Variants in SNAP91 observed in about 807,000 individuals in gnomAD.
The protein encoded by SNAP91 is synaptosome associated protein 91.
Under a neutral mutation model 100.3 loss-of-function variants are expected in SNAP91, and 27 were observed. The observed-to-expected ratio is 0.27, with a 90% CI of 0.20 to 0.37. SNAP91 has a LOEUF of 0.37. Among genes scored for constraint, SNAP91 ranks in the 10% least tolerant of loss-of-function variants. SNAP91 has a pLI of 1.00. For missense variants in SNAP91, 986 were observed against 1,123.7 expected (o/e 0.88, Z 1.75); for synonymous variants, 404 against 398.6 (o/e 1.01, Z -0.16).
chr6:83,684,996 C>A (rs2099041663), intron 2 of SNAP91, among the ~76,000 whole-genome samples: 1 of 152,164 alleles, frequency 6.6e-6, no homozygotes, highest in Non-Finnish European at 1.5e-5. Flanking sequence ...AATATAGGCA[C>A]AGACCTTGTT....
chr6:83,699,984 T>C (rs1452088640), intron 2 of SNAP91, among the ~76,000 whole-genome samples: 3 of 152,128 alleles, frequency 2.0e-5, no homozygotes, highest in Non-Finnish European at 4.4e-5. Flanking sequence ...GAAGGAATGG[T>C]GAGCAAAGAA....
intron 2 of SNAP91, among the ~76,000 whole-genome samples, chr6:83,675,827 A>AAAACACACACACACAC (rs2098863853): frequency 7.2e-6 from 1 of 138,198 alleles, no homozygotes; most frequent in Non-Finnish European, 1.5e-5. Flanking sequence ...CACTTGAAGG[A>AAAACACACACACACAC]ACACACACAC....
At chr6:83,669,937 A>G (rs2098753392) in intron 2 of SNAP91, among the ~76,000 whole-genome samples, 1 of 151,978 alleles carries the variant, frequency 6.6e-6, no homozygotes, top group Admixed American at 6.6e-5. Context: ...GGTGATTACA[A>G]ATAAAGCTGC....
At chr6:83,700,470 T>C (rs1214304288) in intron 2 of SNAP91, among the ~76,000 whole-genome samples, 1 of 152,002 alleles carries the variant, frequency 6.6e-6, no homozygotes, top group African/African-American at 2.4e-5. Context: ...TGTCAAGTTC[T>C]GAGCTGGGTA....
chr6:83,584,177 T>C (rs1832447680), intron 22 of SNAP91, among the ~76,000 whole-genome samples: 1 of 152,228 alleles, frequency 6.6e-6, no homozygotes, highest in Non-Finnish European at 1.5e-5. Flanking sequence ...GGAATTTGTC[T>C]GGTAAATTTA....
chr6:83,681,233 G>T (rs889907547), intron 2 of SNAP91, among the ~76,000 whole-genome samples: 1 of 152,076 alleles, frequency 6.6e-6, no homozygotes, highest in African/African-American at 2.4e-5. Flanking sequence ...GCAATTGTAG[G>T]TTCCCACAAA....
At chr6:83,583,738 A>C (rs1406066593) in intron 22 of SNAP91, among the ~76,000 whole-genome samples, 1 of 152,158 alleles carries the variant, frequency 6.6e-6, no homozygotes, top group Non-Finnish European at 1.5e-5. Flanking sequence ...TGTTTCAAAA[A>C]ACATCCTTAA....
At chr6:83,594,625 C>T (rs2094247253) in intron 16 of SNAP91, 144 bp from the exon 17 acceptor site, 6 of 526,454 alleles carry the variant, frequency 1.1e-5, no homozygotes, top group East Asian at 6.4e-5. Context: ...CATGCGCTGT[C>T]GGTGGTCACA....
intron 8 of SNAP91, among the ~76,000 whole-genome samples, chr6:83,628,264 T>TATATATATATATATATATA (rs2097051539): frequency 6.7e-6 from 1 of 148,362 alleles, no homozygotes; most frequent in African/African-American, 2.5e-5. Context: ...TATTTATCCA[T>TATATATATATATATATATA]TCATTGATAG....
chr6:83,600,106 G>A (rs941900152), intron 16 of SNAP91, among the ~76,000 whole-genome samples: 3 of 152,158 alleles, frequency 2.0e-5, no homozygotes, highest in Admixed American at 2.0e-4. Flanking sequence ...TTATTCAAGG[G>A]TCTGCAATCC....
At chr6:83,638,456 T>C (rs2097548055) in intron 8 of SNAP91, among the ~76,000 whole-genome samples, 1 of 152,124 alleles carries the variant, frequency 6.6e-6, no homozygotes, top group African/African-American at 2.4e-5. Context: ...ACTTATATTA[T>C]TACAAATTAG....
At chr6:83,620,338 A>G (rs898053423) in intron 9 of SNAP91, among the ~76,000 whole-genome samples, 6 of 152,162 alleles carry the variant, frequency 3.9e-5, no homozygotes, top group African/African-American at 1.4e-4. Flanking sequence ...TTGAATGGCC[A>G]TGGTGGCCGC....
rs1345187137 is a variant in SNAP91 at position 83,560,033 on chromosome 6, A to G, written c.2631+71T>C. ...TACATTAGGTAAAAACACTTTTTAA[A>G]CAGTTTGCTACACCAATGTTTTACA... On this transcript the variant is annotated intron_variant, in intron 28 of 29. Transcript: ENST00000369694. The G allele has an allele frequency of 2.3e-6, 3 of 1,304,180 alleles. No homozygotes were observed. In the African/African-American group the frequency reaches 4.3e-5, roughly 19 times the overall value. The allele number at this position is 1,304,180 out of a possible 1,614,324, so 80.8% of individuals were successfully genotyped here.
intron 2 of SNAP91, chr6:83,686,180 TTTG>T (rs1188302168): frequency 1.0e-6 from 1 of 985,318 alleles, no homozygotes; most frequent in African/African-American, 1.7e-5. Context: ...AACACTGTTT[TTTG>T]TTTTTTCTTG....
chr6:83,612,321 G>C (rs183044350), intron 11 of SNAP91, among the ~76,000 whole-genome samples: 1 of 151,976 alleles, frequency 6.6e-6, no homozygotes, highest in African/African-American at 2.4e-5. Context: ...TACAGCATAC[G>C]GTGGGAAATG....
intron 2 of SNAP91, among the ~76,000 whole-genome samples, chr6:83,702,281 C>T (rs1272887600): frequency 6.6e-6 from 1 of 152,148 alleles, no homozygotes; most frequent in African/African-American, 2.4e-5. Context: ...AAAGCACCCT[C>T]GGCCCCTAGG....
chr6:83,704,803 TCAAACC>T (rs2099358318), intron 2 of SNAP91, among the ~76,000 whole-genome samples: 1 of 152,198 alleles, frequency 6.6e-6, no homozygotes, highest in Non-Finnish European at 1.5e-5. Flanking sequence ...TGTTTTTGTT[TCAAACC>T]CCCAAACTCT....
Position 83,601,227 on chromosome 6 carries a change from T to C in SNAP91, c.1324+44A>G, listed in dbSNP as rs1335951725. On this transcript the variant is annotated intron_variant, in intron 16 of 29. Coordinates refer to ENST00000369694, the MANE Select transcript of SNAP91 (RefSeq NM_001242792.2). ...TAAAGACCTTAACTCCCAAGTAATT[T>C]TAGCAATCCTGAAAAAATGAAAGTA... 5 of 1,602,160 alleles carry C rather than the reference T, an allele frequency of 3.1e-6. No individual in the cohort carries two copies. The East Asian group carries it at 1.1e-4, about 36-fold the overall frequency.
At chr6:83,668,495 C>A (rs192347185) in intron 2 of SNAP91, among the ~76,000 whole-genome samples, 1,656 of 152,226 alleles carry the variant, frequency 0.011, 24 homozygotes, top group African/African-American at 0.037. Context: ...GAATACTATG[C>A]AGCCATAAAA....
Sources: gnomAD v4.1 joint callset for allele counts (sites outside exome capture counted in the v4.1 genomes callset) on GRCh38, gnomAD v4.1.1 for gene constraint, MANE v1.5 for transcripts, NCBI Gene and HGNC (gene_info 2026-07-23, HGNC 2026-07-21) for gene names.